SCUBE1: variants seen among roughly 807,000 people sequenced by gnomAD.
The protein encoded by SCUBE1 is signal peptide, CUB domain and EGF like domain containing 1, also known as signal peptide, CUB and EGF-like domain-containing protein 1.
In SCUBE1, 59 loss-of-function variants were observed where a neutral mutation model predicts 124.4. The observed-to-expected ratio is 0.47, with a 90% CI of 0.38 to 0.59. SCUBE1 has a LOEUF of 0.59. Among genes scored for constraint, SCUBE1 ranks in the 20% least tolerant of loss-of-function variants. The probability of loss-of-function intolerance (pLI) is 0.00; values close to 1 mark genes in which losing one functional copy is unlikely to be tolerated. For synonymous variants in SCUBE1, 545 were observed against 550.9 expected (o/e 0.99, Z 0.15); for missense variants, 1,150 against 1,371.2 (o/e 0.84, Z 2.55).
At chr22:43,290,799 T>C (rs1190634569) in intron 4 of SCUBE1, among the ~76,000 whole-genome samples, 4 of 152,216 alleles carry the variant, frequency 2.6e-5, no homozygotes, top group African/African-American at 9.6e-5. Context: ...TCTGGTCACA[T>C]GTGCTACTTG....
At chr22:43,231,589 A>G (rs1922553867) in intron 8 of SCUBE1, among the ~76,000 whole-genome samples, 164 bp downstream of exon 8, 1 of 152,122 alleles carries the variant, frequency 6.6e-6, no homozygotes, top group African/African-American at 2.4e-5. Flanking sequence ...AATAAAAGGA[A>G]CAGATTGGAC....
At chr22:43,232,840 GC>G (rs1922610441) in intron 7 of SCUBE1, among the ~76,000 whole-genome samples, 1 of 152,134 alleles carries the variant, frequency 6.6e-6, no homozygotes, top group African/African-American at 2.4e-5. Flanking sequence ...CCCTTGTCGG[GC>G]CCATCTGGGC....
chr22:43,231,925 G>C, intron 7 of SCUBE1, 50 bp from the exon 8 acceptor site: 1 of 1,598,760 alleles, frequency 6.3e-7, no homozygotes, highest in Non-Finnish European at 8.6e-7. Flanking sequence ...GAATCAGCTT[G>C]TGTGACCAGC....
Position 43,210,473 on chromosome 22 carries a change from G to C in SCUBE1, c.2384-233C>G, listed in dbSNP as rs183568870. Among the ~76,000 whole-genome samples the C allele has an allele frequency of 7.7e-6, 1 of 130,538 alleles. No individual in the cohort carries two copies. The highest frequency in any genetic ancestry group is 1.6e-5 in the Non-Finnish European group (1 of 63,612). 85.6% of individuals were successfully genotyped at this position (130,538 alleles called of 152,430 possible). ...CCTGTGGTTCCCTGAGGCCCAGCCT[G>C]GGGGCTTCTTCTTACTGGGCTGCCA... On this transcript the variant is annotated intron_variant, in intron 18 of 21. Coordinates refer to ENST00000360835, the MANE Select transcript of SCUBE1 (RefSeq NM_173050.5). The surrounding 1 kb of genome is among the most constrained non-coding windows in gnomAD (Gnocchi z 4.5).
rs1710043867 is a variant in SCUBE1, at chr22:43,281,562, T to TCCTGTCACCTCCCTTCA, written c.484+9483_484+9484insTGAAGGGAGGTGACAGG. 3.1e-5 allele frequency among the ~76,000 whole-genome samples: 4 copies of TCCTGTCACCTCCCTTCA among 129,284 alleles called. No homozygotes were observed. In the East Asian group the frequency reaches 9.4e-4, roughly 30 times the overall value. The allele number at this position is 129,284 out of a possible 152,430, so 84.8% of individuals were successfully genotyped here. On this transcript the variant is annotated intron_variant, in intron 4 of 21. Coordinates refer to ENST00000360835, the MANE Select transcript of SCUBE1 (RefSeq NM_173050.5). ...CAGTCACCCTCCTGTCACCTCCCCCTCAGCCACCCTCCTGTCACCTCCCTT... is the reference window on the plus strand; with the variant it reads ...CAGTCACCCTCCTGTCACCTCCCCCTCCTGTCACCTCCCTTCACAGCCACCCTCCTGTCACCTCCCTT...
At chr22:43,338,962 T>G in intron 2 of SCUBE1, 142 bp downstream of exon 2, 3 of 958,596 alleles carry the variant, frequency 3.1e-6, no homozygotes, top group Non-Finnish European at 4.7e-6. Context: ...CTCCTGAGGC[T>G]GAGAGAAGCC....
chr22:43,267,126 G>A (rs957243936), intron 4 of SCUBE1, among the ~76,000 whole-genome samples: 18 of 152,318 alleles, frequency 1.2e-4, no homozygotes, highest in African/African-American at 3.6e-4. Context: ...ATTCTGCCTC[G>A]TAGGAAATCG....
intron 6 of SCUBE1, among the ~76,000 whole-genome samples, chr22:43,243,621 A>G (rs1253602054): frequency 2.6e-5 from 4 of 152,228 alleles, no homozygotes; most frequent in Non-Finnish European, 5.9e-5. Context: ...AGGTCCTTAA[A>G]GGACAGTCTC....
At position 43,211,642 on chromosome 22, in the gene SCUBE1, G is replaced by A. The variant is rs936259098; in HGVS notation, c.2222-559C>T. Among the ~76,000 whole-genome samples the A allele has an allele frequency of 1.9e-4, 29 of 151,494 alleles. No homozygotes were observed. The highest frequency in any genetic ancestry group is 1.0e-4 in the Non-Finnish European group (7 of 67,916). On this transcript the variant is annotated intron_variant, in intron 17 of 21. Coordinates refer to ENST00000360835, the MANE Select transcript of SCUBE1 (RefSeq NM_173050.5). This position sits in a 1 kb window ranked among gnomAD's most constrained non-coding sequence, Gnocchi z 4.5. ...AGCGATCCTCCCCTCCCAGTCTCCC[G>A]AGTAGCTGGGATTACAGGTGCACAT...
In SCUBE1 at chr22:43,214,193, C is replaced by A. The variant is rs2063156424; in HGVS notation, c.1950G>T (p.Met650Ile). ...CTTCCATGTCCTGGTATGTTCCTGG[C>A]ATACATGACACACACTGGCCGAGCT... is the stretch of plus-strand genomic sequence containing the variant. ...GGELGQCVSC[M>I]PGTYQDMEGQ... The change falls in exon 16 of 22, where the codon ATG becomes ATT. Residue 650 changes from methionine to isoleucine, a missense_variant. Coordinates refer to ENST00000360835, the MANE Select transcript of SCUBE1 (RefSeq NM_173050.5). The A allele has an allele frequency of 6.2e-7, 1 of 1,613,150 alleles. No homozygotes were observed. Among genetic ancestry groups the A allele is most frequent in the Non-Finnish European group, 8.5e-7 (1 of 1,179,924 alleles).
At chr22:43,204,250 G>A in intron 21 of SCUBE1, 101 bp from the exon 22 acceptor site, 4 of 1,008,382 alleles carry the variant, frequency 4.0e-6, no homozygotes, top group Non-Finnish European at 6.0e-6. Flanking sequence ...GCTGGCTGGT[G>A]GGTTTCAGGA....
Position 43,255,965 on chromosome 22 carries a change from C to T in SCUBE1, c.727+2254G>A, listed in dbSNP as rs762676369. On this transcript the variant is annotated intron_variant, in intron 6 of 21. Transcript: ENST00000360835. This position sits in a 1 kb window ranked among gnomAD's most constrained non-coding sequence, Gnocchi z 4.7. ...TGCTTTACGGAGACACAAGTGATTA[C>T]AGACCCCCGTGGCTCAGGCTGGAGA... Among the ~76,000 whole-genome samples the T allele has an allele frequency of 1.1e-4, 17 of 152,168 alleles. No homozygotes were observed. The highest frequency in any genetic ancestry group is 2.0e-4 in the Admixed American group (3 of 15,286).
intron 6 of SCUBE1, among the ~76,000 whole-genome samples, chr22:43,256,445 CA>C (rs1234005004): frequency 6.6e-6 from 1 of 152,012 alleles, no homozygotes; most frequent in Non-Finnish European, 1.5e-5. Flanking sequence ...CACAGATGAA[CA>C]GTGGGCGAAG....
intron 8 of SCUBE1, among the ~76,000 whole-genome samples, chr22:43,231,160 G>A (rs912577383): frequency 1.1e-4 from 16 of 152,130 alleles, no homozygotes; most frequent in African/African-American, 3.9e-4. Flanking sequence ...CCATCTCCTG[G>A]GTGGGTTTAC....
At chr22:43,283,544 T>C (rs185665295) in intron 4 of SCUBE1, 5 of 152,322 alleles carry the variant, frequency 3.3e-5, no homozygotes, top group Admixed American at 3.3e-4. Context: ...AATAATAGTA[T>C]CTCCTTTCAT....
At chr22:43,286,900 G>C (rs150576828) in intron 4 of SCUBE1, among the ~76,000 whole-genome samples, 1 of 152,224 alleles carries the variant, frequency 6.6e-6, no homozygotes, top group African/African-American at 2.4e-5. Flanking sequence ...TCTACATTGA[G>C]AGAAAAGGAG....
chr22:43,254,730 G>A (rs774557650), intron 6 of SCUBE1, among the ~76,000 whole-genome samples: 17 of 152,228 alleles, frequency 1.1e-4, no homozygotes, highest in Non-Finnish European at 2.2e-4. Flanking sequence ...CTACGCTCAG[G>A]AGGTCTTGGG....
intron 4 of SCUBE1, among the ~76,000 whole-genome samples, chr22:43,286,989 G>A (rs1925172363): frequency 6.6e-6 from 1 of 152,218 alleles, no homozygotes. Context: ...GTGTGGGAGA[G>A]GGAGAGAGCC....
At chr22:43,216,533 G>A (rs1921818544) in intron 15 of SCUBE1, among the ~76,000 whole-genome samples, 2 of 151,776 alleles carry the variant, frequency 1.3e-5, no homozygotes, top group African/African-American at 4.8e-5. Context: ...CGCACCTGTA[G>A]TCCTAGCTAC....
Sources: gnomAD v4.1 joint callset for allele counts (sites outside exome capture counted in the v4.1 genomes callset) on GRCh38, gnomAD v4.1.1 for gene constraint, Gnocchi (gnomAD v3.1) non-coding constraint, MANE v1.5 for transcripts, NCBI Gene and HGNC (gene_info 2026-07-23, HGNC 2026-07-21) for gene names.